The following ZDHHC5 variants were observed in gnomAD, a reference collection of about 807,000 sequenced individuals.
The protein encoded by ZDHHC5 is zDHHC palmitoyltransferase 5, also known as palmitoyltransferase ZDHHC5.
In ZDHHC5, 22 loss-of-function variants were observed where a neutral mutation model predicts 70.0. The ratio of observed to expected loss-of-function variants is 0.31; its 90% CI spans 0.22 to 0.45. ZDHHC5 has a LOEUF of 0.45. Among genes scored for constraint, ZDHHC5 ranks in the 20% least tolerant of loss-of-function variants. ZDHHC5 has a pLI of 1.00. For missense variants in ZDHHC5, 746 were observed against 926.9 expected (o/e 0.80, Z 2.53); for synonymous variants, 313 against 347.8 (o/e 0.90, Z 1.11).
intron 3 of ZDHHC5, among the ~76,000 whole-genome samples, chr11:57,687,192 TC>T (rs1426152657): frequency 6.6e-6 from 1 of 152,154 alleles, no homozygotes; most frequent in Non-Finnish European, 1.5e-5. Context: ...TGTAAAGAAA[TC>T]AGTAAAATTT....
At chr11:57,673,300 T>C (rs1465855911) in intron 2 of ZDHHC5, 106 bp downstream of exon 2, 1 of 1,052,586 alleles carries the variant, frequency 9.5e-7, no homozygotes, top group Non-Finnish European at 1.4e-6. Context: ...CTGAGAGGGC[T>C]CAGCGTCTGG....
rs1418914010 is a variant in ZDHHC5, at chr11:57,698,700, T to A, written c.1264T>A (p.Ser422Thr). Residue 422 changes from serine to threonine, a missense_variant, in exon 11 of 12, where the codon TCC becomes ACC. Around this residue, in one of 6 missense-constraint regions of ZDHHC5, gnomAD observed 179 missense variants for 178.4 expected, o/e 1.00. Coordinates refer to ENST00000287169, the MANE Select transcript of ZDHHC5 (RefSeq NM_015457.3). ...CAAAAGTTTTCACTTCGATCCACTATCCAGTGGCTCACGCTCCTCCAGCCT... is the reference window on the plus strand; with the variant it reads ...CAAAAGTTTTCACTTCGATCCACTAACCAGTGGCTCACGCTCCTCCAGCCT... ...FGKSFHFDPL[S>T]SGSRSSSLKS... 1.2e-6 allele frequency: 2 copies of A among 1,614,152 alleles called. No homozygotes were observed. Among genetic ancestry groups the A allele is most frequent in the Non-Finnish European group, 1.7e-6 (2 of 1,180,038 alleles).
At chr11:57,686,575 C>CA (rs1169563421) in intron 3 of ZDHHC5, among the ~76,000 whole-genome samples, 1 of 152,096 alleles carries the variant, frequency 6.6e-6, no homozygotes, top group East Asian at 1.9e-4. Flanking sequence ...CTCACCCTCC[C>CA]AGAGTGCTGG....
At chr11:57,694,518 C>T (rs1224740266) in intron 8 of ZDHHC5, among the ~76,000 whole-genome samples, 3 of 151,798 alleles carry the variant, frequency 2.0e-5, no homozygotes, top group Admixed American at 6.6e-5. Context: ...TGCGCCACCA[C>T]GCCTGGCTAA....
At chr11:57,695,841 CTCTTA>C (rs1425104557) in intron 8 of ZDHHC5, 74 bp from the exon 9 acceptor site, 14 of 1,535,884 alleles carry the variant, frequency 9.1e-6, no homozygotes, top group East Asian at 2.3e-5. Flanking sequence ...AAATACCTCC[CTCTTA>C]TATCAATTTA....
At chr11:57,686,800 A>G (rs1359219872) in intron 3 of ZDHHC5, among the ~76,000 whole-genome samples, 2 of 151,406 alleles carry the variant, frequency 1.3e-5, no homozygotes, top group Non-Finnish European at 2.9e-5. Flanking sequence ...TATGTATACC[A>G]TGTATCTGCA....
At position 57,674,316 on chromosome 11, in the gene ZDHHC5, G is replaced by T. The variant is rs908588213; in HGVS notation, c.104+1122G>T. Among the ~76,000 whole-genome samples the T allele has an allele frequency of 1.6e-4, 22 of 140,946 alleles. 1 individual carries two copies. The South Asian group carries it at 2.9e-3, about 19-fold the overall frequency. The allele number at this position is 140,946 out of a possible 152,430, so 92.5% of individuals were successfully genotyped here. The stretch of plus-strand genomic sequence containing the variant: ...GATTTAAACCTTCCCTTTTTCCTCA[G>T]TTTTTTTTTTTTTTTTATTAAGCTC... On this transcript the variant is annotated intron_variant, in intron 2 of 11. Transcript: ENST00000287169.
chr11:57,695,172 G>A (rs1035534618), intron 8 of ZDHHC5, among the ~76,000 whole-genome samples: 2 of 152,014 alleles, frequency 1.3e-5, no homozygotes, highest in Non-Finnish European at 2.9e-5. Context: ...TGAGGTAGGA[G>A]AATTGCTTGA....
chr11:57,689,503 G>A (rs1464558535), intron 4 of ZDHHC5, among the ~76,000 whole-genome samples: 1 of 151,858 alleles, frequency 6.6e-6, no homozygotes, highest in Non-Finnish European at 1.5e-5. Flanking sequence ...TCAGCCTCCT[G>A]AGTAGCTGGG....
intron 2 of ZDHHC5, among the ~76,000 whole-genome samples, chr11:57,675,300 T>C (rs1946057581): frequency 6.6e-6 from 1 of 152,204 alleles, no homozygotes; most frequent in Admixed American, 6.5e-5. Flanking sequence ...CTTCTTGAGA[T>C]AGAGCAAGCT....
chr11:57,695,079 A>G (rs1946332391), intron 8 of ZDHHC5, among the ~76,000 whole-genome samples: 1 of 152,150 alleles, frequency 6.6e-6, no homozygotes, highest in Non-Finnish European at 1.5e-5. Context: ...CCTGACCAAC[A>G]TGGAGACACC....
At chr11:57,688,358 C>G (rs12363056) in intron 3 of ZDHHC5, 150 bp from the exon 4 acceptor site, 9 of 867,494 alleles carry the variant, frequency 1.0e-5, no homozygotes, top group South Asian at 6.6e-5. Context: ...AAAGACCTGA[C>G]CTCACAGTCT....
Position 57,682,488 on chromosome 11 carries a change from T to G in ZDHHC5, c.171T>G (p.Phe57Leu). 1 of 1,614,172 alleles carries G rather than the reference T, an allele frequency of 6.2e-7. No individual in the cohort carries two copies. The highest frequency in any genetic ancestry group is 2.2e-5 in the East Asian group (1 of 44,878). Residue 57 changes from phenylalanine to leucine, a missense_variant, in exon 3 of 12, where the codon TTT (phenylalanine) becomes TTG (leucine). Physicochemically the swap from Phe to Leu is conservative, Grantham distance 22 (BLOSUM62 0). Transcript: ENST00000287169. ...TCTACAATGCAATTATGTTTCTCTTTGTGTTGGCCAACTTCAGCATGGCCA... is the reference window on the plus strand; with the variant it reads ...TCTACAATGCAATTATGTTTCTCTTGGTGTTGGCCAACTTCAGCATGGCCA... ...VPIYNAIMFL[F>L]VLANFSMATF... is the part of the protein sequence containing the mutation.
chr11:57,676,909 ATTTTTTTTTTTTTT>A lies in ZDHHC5; in HGVS notation c.104+3732_104+3745del, dbSNP rs72474322. Among the ~76,000 whole-genome samples, 337 of 80,998 alleles carry A rather than the reference ATTTTTTTTTTTTTT, an allele frequency of 4.2e-3. 1 individual carries two copies. Among genetic ancestry groups the A allele is most frequent in the African/African-American group, 0.015 (294 of 19,124 alleles). 53.1% of individuals were successfully genotyped at this position (80,998 alleles called of 152,430 possible). On this transcript the variant is annotated intron_variant, in intron 2 of 11. Coordinates refer to ENST00000287169, the MANE Select transcript of ZDHHC5 (RefSeq NM_015457.3). ...CAGGATAAGATCTCTGCTTCACGTG[ATTTTTTTTTTTTTT>A]TTTTTTTTTTTTTTTTGAGATGGAG...
At chr11:57,690,705 G>C (rs112706456) in intron 6 of ZDHHC5, among the ~76,000 whole-genome samples, 76 of 152,290 alleles carry the variant, frequency 5.0e-4, no homozygotes, top group African/African-American at 1.6e-3. Context: ...GTAGGGACAT[G>C]GATGAATCTG....
In ZDHHC5 at chr11:57,670,660, C is replaced by T. The variant is rs182172835; in HGVS notation, c.-1070-1361C>T. 1.3e-3 allele frequency among the ~76,000 whole-genome samples: 200 copies of T among 152,050 alleles called. 4 individuals are homozygous for T. Among genetic ancestry groups the T allele is most frequent in the Admixed American group, 0.013 (193 of 15,256 alleles). On this transcript the variant is annotated intron_variant, in intron 1 of 11. Transcript: ENST00000287169. ...ATAACAGTTTCTTAGAATCTTTTGG[C>T]GCTCACTGTATTCTAATACTGCTGT...
chr11:57,698,436 G>A (rs1462553376), intron 10 of ZDHHC5, 123 bp from the exon 11 acceptor site: 1 of 1,295,724 alleles, frequency 7.7e-7, no homozygotes, highest in Admixed American at 2.4e-5. Flanking sequence ...CCCAGATAAT[G>A]CATGTAAGAG....
At chr11:57,682,902 C>CA (rs1946166069) in intron 3 of ZDHHC5, among the ~76,000 whole-genome samples, 1 of 152,180 alleles carries the variant, frequency 6.6e-6, no homozygotes, top group African/African-American at 2.4e-5. Flanking sequence ...TGAATTAAGA[C>CA]AGTTATGACA....
intron 2 of ZDHHC5, among the ~76,000 whole-genome samples, chr11:57,677,753 C>G (rs1399171517): frequency 6.6e-6 from 1 of 152,192 alleles, no homozygotes; most frequent in African/African-American, 2.4e-5. Context: ...GGAGTTCTCT[C>G]TGGTCCCCCC....
Sources: gnomAD v4.1 joint callset for allele counts (sites outside exome capture counted in the v4.1 genomes callset) on GRCh38, gnomAD v4.1.1 for gene constraint, gnomAD v4.1.1 regional missense constraint, MANE v1.5 for transcripts, NCBI Gene and HGNC (gene_info 2026-07-23, HGNC 2026-07-21) for gene names.